CACNG3: variants seen among roughly 807,000 people sequenced by gnomAD.
CACNG3 encodes calcium voltage-gated channel auxiliary subunit gamma 3.
CACNG3 carries 3 observed loss-of-function variants against 28.5 expected under a neutral mutation model. That is an observed-to-expected ratio of 0.11 (90% CI 0.05 to 0.27). The LOEUF (loss-of-function observed/expected upper bound fraction) is 0.27, where lower values mean the gene tolerates loss of function less well. CACNG3 is among the 10% of genes least tolerant of loss of function. The pLI, the probability that CACNG3 is intolerant of heterozygous loss-of-function variation, is 1.00. For synonymous variants in CACNG3, 174 were observed against 162.2 expected, an observed-to-expected ratio of 1.07 and a Z score of -0.55; for missense variants, 236 against 414.4, an observed-to-expected ratio of 0.57 and a Z score of 3.74.
rs74013185 is a variant in CACNG3, at chr16:24,353,393, T to A, written c.296-1440T>A. 7.2e-3 allele frequency among the ~76,000 whole-genome samples: 1,094 copies of A among 152,310 alleles called. 17 individuals carry two copies. The highest frequency in any genetic ancestry group is 0.024 in the African/African-American group (1,017 of 41,560). ...GACCCCTGGCTCCTTGGTAAACCAA[T>A]GAGCACAGAATTTATTCAGCTGATG... On this transcript the variant is annotated intron_variant, in intron 2 of 3. Transcript: ENST00000005284.
At chr16:24,357,935 G>A (rs534805533) in intron 3 of CACNG3, among the ~76,000 whole-genome samples, 107 of 152,200 alleles carry the variant, frequency 7.0e-4, no homozygotes, top group Non-Finnish European at 9.1e-4. Context: ...GACTAGACAC[G>A]TAGGAACTAG....
intron 1 of CACNG3, among the ~76,000 whole-genome samples, chr16:24,274,523 A>G (rs1326926964): frequency 6.6e-6 from 1 of 152,182 alleles, no homozygotes; most frequent in Non-Finnish European, 1.5e-5. Context: ...GGTCATGGTT[A>G]CCACTGCTCT....
intron 1 of CACNG3, among the ~76,000 whole-genome samples, chr16:24,278,272 A>C (rs980802431): frequency 6.6e-6 from 1 of 152,186 alleles, no homozygotes; most frequent in Non-Finnish European, 1.5e-5. Flanking sequence ...AAATAGGACC[A>C]AAGACAGAGC....
At chr16:24,274,911 A>T (rs12932555) in intron 1 of CACNG3, among the ~76,000 whole-genome samples, 97,351 of 151,970 alleles carry the variant, frequency 0.64, 31,318 homozygotes, top group East Asian at 0.71. Context: ...GAGGTAGAAT[A>T]CAAACTTAGG....
At chr16:24,290,354 T>C (rs942892998) in intron 1 of CACNG3, among the ~76,000 whole-genome samples, 9 of 152,172 alleles carry the variant, frequency 5.9e-5, no homozygotes, top group African/African-American at 1.9e-4. Context: ...ACTACATTCC[T>C]GATAAGGGTA....
chr16:24,300,665 G>A (rs973566417), intron 1 of CACNG3, among the ~76,000 whole-genome samples: 18 of 150,754 alleles, frequency 1.2e-4, no homozygotes, highest in African/African-American at 2.7e-4. Context: ...GCTCATGCCC[G>A]TAATCCCAGC....
chr16:24,279,003 G>A (rs1898786405), intron 1 of CACNG3, among the ~76,000 whole-genome samples: 3 of 152,214 alleles, frequency 2.0e-5, no homozygotes, highest in Admixed American at 6.5e-5. Context: ...CCAAGGTCTG[G>A]AGGCTAGATG....
chr16:24,327,438 G>A (rs539898964), intron 1 of CACNG3, among the ~76,000 whole-genome samples: 1,879 of 127,828 alleles, frequency 0.015, 16 homozygotes, highest in Non-Finnish European at 0.018. Flanking sequence ...GTGTGTGTGT[G>A]TATATATATA....
At chr16:24,349,726 C>G (rs1013146168) in intron 2 of CACNG3, among the ~76,000 whole-genome samples, 3 of 152,302 alleles carry the variant, frequency 2.0e-5, no homozygotes, top group African/African-American at 7.2e-5. Context: ...CTGGCTTCTT[C>G]ACTGCATCCT....
At chr16:24,353,490 G>T (rs146729467) in intron 2 of CACNG3, among the ~76,000 whole-genome samples, 3 of 152,072 alleles carry the variant, frequency 2.0e-5, no homozygotes, top group Non-Finnish European at 4.4e-5. Context: ...AACCACATGG[G>T]GCCCCTCTCC....
chr16:24,308,863 A>AAAAAAAAG (rs1899223111), intron 1 of CACNG3, among the ~76,000 whole-genome samples: 1 of 149,450 alleles, frequency 6.7e-6, no homozygotes, highest in African/African-American at 2.5e-5. Context: ...AAAAAAAAAA[A>AAAAAAAAG]AAAAGAAAAG....
At chr16:24,286,834 G>A (rs1010678604) in intron 1 of CACNG3, among the ~76,000 whole-genome samples, 2 of 152,298 alleles carry the variant, frequency 1.3e-5, no homozygotes, top group Middle Eastern at 3.4e-3. Context: ...CAAGACCTAC[G>A]CTCTTAACGA....
At chr16:24,297,645 T>C (rs920788256) in intron 1 of CACNG3, among the ~76,000 whole-genome samples, 10 of 152,312 alleles carry the variant, frequency 6.6e-5, no homozygotes, top group Admixed American at 3.3e-4. Context: ...AGCTAGAATT[T>C]AGGCAGCTTA....
At chr16:24,268,916 T>A (rs1021804964) in intron 1 of CACNG3, among the ~76,000 whole-genome samples, 8 of 152,154 alleles carry the variant, frequency 5.3e-5, no homozygotes, top group African/African-American at 1.9e-4. Context: ...AACTCCAGGT[T>A]TTGGGCTTGG....
intron 1 of CACNG3, among the ~76,000 whole-genome samples, chr16:24,335,475 G>A (rs980206889): frequency 6.6e-6 from 1 of 152,128 alleles, no homozygotes; most frequent in Non-Finnish European, 1.5e-5. Flanking sequence ...TTTATTGAAT[G>A]GACATCCACA....
At chr16:24,338,137 G>A (rs774025025) in intron 1 of CACNG3, among the ~76,000 whole-genome samples, 36 of 151,706 alleles carry the variant, frequency 2.4e-4, no homozygotes, top group Non-Finnish European at 4.0e-4. Flanking sequence ...GTTCACTCTC[G>A]CCCCAGGGTC....
chr16:24,314,403 C>A (rs775473719), intron 1 of CACNG3, among the ~76,000 whole-genome samples: 3 of 152,096 alleles, frequency 2.0e-5, no homozygotes, highest in Non-Finnish European at 4.4e-5. Context: ...CAGGTCAGTC[C>A]AGCAGCCACG....
chr16:24,319,495 C>T (rs190715656), intron 1 of CACNG3, among the ~76,000 whole-genome samples: 30 of 152,266 alleles, frequency 2.0e-4, no homozygotes, highest in African/African-American at 6.5e-4. Flanking sequence ...GCTTTGTCTC[C>T]CAGGCTGGAG....
intron 1 of CACNG3, among the ~76,000 whole-genome samples, chr16:24,302,073 A>G (rs1899119880): frequency 6.6e-6 from 1 of 152,188 alleles, no homozygotes; most frequent in East Asian, 1.9e-4. Flanking sequence ...TGCTATCCCC[A>G]TGCTCAGAAC....
Sources: allele counts gnomAD v4.1 joint callset (sites outside exome capture counted in the v4.1 genomes callset), GRCh38; gene constraint gnomAD v4.1.1; transcripts MANE v1.5; gene names NCBI Gene and HGNC (gene_info 2026-07-23, HGNC 2026-07-21).